The following CHRM3 variants were observed in gnomAD, a reference collection of about 807,000 sequenced individuals.
The protein encoded by CHRM3 is muscarinic acetylcholine receptor M3.
In CHRM3, 11 loss-of-function variants were observed where a neutral mutation model predicts 41.8. The observed-to-expected ratio is 0.26, with a 90% confidence interval of 0.17 to 0.44. The LOEUF is 0.44. Among genes scored for constraint, CHRM3 ranks in the 20% least tolerant of loss-of-function variants. The pLI, the probability that CHRM3 is intolerant of heterozygous loss-of-function variation, is 1.00. For missense variants in CHRM3, 571 were observed against 745.4 expected (o/e 0.77, Z 2.72); for synonymous variants, 297 against 301.4 (o/e 0.99, Z 0.15).
chr1:239,656,232 T>G (rs1421910044), intron 4 of CHRM3, among the ~76,000 whole-genome samples: 4 of 152,064 alleles, frequency 2.6e-5, no homozygotes, highest in African/African-American at 7.2e-5. Flanking sequence ...ACAGGATCAT[T>G]AGACACCTAA....
At chr1:239,871,391 G>T (rs755958830) in intron 6 of CHRM3, among the ~76,000 whole-genome samples, 1 of 151,962 alleles carries the variant, frequency 6.6e-6, no homozygotes, top group Admixed American at 6.5e-5. Context: ...ACAGGCATGC[G>T]CCAGCATGCC....
chr1:239,889,529 AT>A (rs911942854), intron 6 of CHRM3, among the ~76,000 whole-genome samples: 1 of 151,876 alleles, frequency 6.6e-6, no homozygotes, highest in Non-Finnish European at 1.5e-5. Flanking sequence ...TTGCAGCTCG[AT>A]TTTTCAGGCT....
chr1:239,896,687 T>C (rs1285009404), intron 6 of CHRM3, among the ~76,000 whole-genome samples: 1 of 152,164 alleles, frequency 6.6e-6, no homozygotes, highest in African/African-American at 2.4e-5. Flanking sequence ...ATCAACATCT[T>C]AGCAGCCTTA....
intron 3 of CHRM3, among the ~76,000 whole-genome samples, chr1:239,594,961 TTCC>T (rs907034325): frequency 6.6e-6 from 1 of 152,168 alleles, no homozygotes; most frequent in African/African-American, 2.4e-5. Flanking sequence ...TGGTGGCACA[TTCC>T]TGTAATCCCA....
At chr1:239,568,492 A>C (rs1426888966) in intron 3 of CHRM3, among the ~76,000 whole-genome samples, 1 of 151,942 alleles carries the variant, frequency 6.6e-6, no homozygotes, top group Admixed American at 6.6e-5. Flanking sequence ...GAGTCTATTA[A>C]ACTTCTTTTT....
intron 5 of CHRM3, among the ~76,000 whole-genome samples, chr1:239,714,891 G>A (rs1228624063): frequency 6.6e-6 from 1 of 152,058 alleles, no homozygotes; most frequent in African/African-American, 2.4e-5. Flanking sequence ...AGATGTGAGA[G>A]AGACATGGCA....
chr1:239,622,994 T>C (rs1198789770), intron 3 of CHRM3, among the ~76,000 whole-genome samples: 1 of 152,062 alleles, frequency 6.6e-6, no homozygotes, highest in Non-Finnish European at 1.5e-5. Flanking sequence ...CCTCCCCAGC[T>C]TTTGGCAACC....
At chr1:239,447,954 G>A (rs61834689) in intron 1 of CHRM3, among the ~76,000 whole-genome samples, 9,549 of 152,106 alleles carry the variant, frequency 0.063, 575 homozygotes, top group African/African-American at 0.16. Context: ...TCCCAGCCAC[G>A]TTGCTGAGAA....
At chr1:239,526,602 T>G (rs1192781640) in intron 2 of CHRM3, among the ~76,000 whole-genome samples, 1 of 152,182 alleles carries the variant, frequency 6.6e-6, no homozygotes, top group Non-Finnish European at 1.5e-5. Context: ...GCTGTGATTC[T>G]TTTGCTTCTA....
chr1:239,548,337 CAA>C (rs1461201087), intron 3 of CHRM3, among the ~76,000 whole-genome samples: 1 of 152,138 alleles, frequency 6.6e-6, no homozygotes, highest in Non-Finnish European at 1.5e-5. Context: ...ACCAGAAAGC[CAA>C]GTCTTATTCC....
At chr1:239,819,962 A>AGTGGCCGAACCT (rs1671900099) in intron 5 of CHRM3, among the ~76,000 whole-genome samples, 1 of 152,120 alleles carries the variant, frequency 6.6e-6, no homozygotes, top group African/African-American at 2.4e-5. Context: ...CCTGGAGACT[A>AGTGGCCGAACCT]GTGGCCGAAC....
intron 5 of CHRM3, among the ~76,000 whole-genome samples, chr1:239,784,487 A>G (rs1241447270): frequency 3.9e-5 from 6 of 152,182 alleles, no homozygotes; most frequent in South Asian, 2.1e-4. Context: ...AATTAACACT[A>G]TACCACTTTG....
At chr1:239,547,465 ATC>A (rs1276200888) in intron 3 of CHRM3, among the ~76,000 whole-genome samples, 1 of 152,210 alleles carries the variant, frequency 6.6e-6, no homozygotes, top group Non-Finnish European at 1.5e-5. Flanking sequence ...GTGTGGGATT[ATC>A]CTGATGAGCA....
chr1:239,642,821 C>T (rs2148929028), intron 4 of CHRM3, among the ~76,000 whole-genome samples: 1 of 152,318 alleles, frequency 6.6e-6, no homozygotes, highest in East Asian at 1.9e-4. Context: ...AGCTGCGTTC[C>T]TTTGGAGGAG....
intron 1 of CHRM3, among the ~76,000 whole-genome samples, chr1:239,404,414 G>GAA (rs1558195783): frequency 1.4e-3 from 72 of 51,134 alleles, no homozygotes; most frequent in Non-Finnish European, 1.8e-3. Flanking sequence ...GAAAGAAAAA[G>GAA]AAAGAAAGAA....
At chr1:239,638,607 G>A (rs1386823082) in intron 4 of CHRM3, among the ~76,000 whole-genome samples, 14 of 152,250 alleles carry the variant, frequency 9.2e-5, no homozygotes, top group Admixed American at 6.5e-4. Context: ...TTTTGATGGG[G>A]TTGTTTGGTT....
chr1:239,771,356 C>T (rs1278498443), intron 5 of CHRM3, among the ~76,000 whole-genome samples: 1 of 152,118 alleles, frequency 6.6e-6, no homozygotes, highest in Non-Finnish European at 1.5e-5. Context: ...TAATTGATCT[C>T]ATTCCCTGAG....
At chr1:239,505,163 G>T (rs1409883437) in intron 2 of CHRM3, among the ~76,000 whole-genome samples, 1 of 152,182 alleles carries the variant, frequency 6.6e-6, no homozygotes, top group Admixed American at 6.5e-5. Context: ...TAAAATTAGG[G>T]CTCATATAAG....
chr1:239,726,623 C>A (rs1347430405), intron 5 of CHRM3, among the ~76,000 whole-genome samples: 2 of 151,880 alleles, frequency 1.3e-5, no homozygotes, highest in Non-Finnish European at 2.9e-5. Context: ...CTATAAGATG[C>A]ATGGTGATAT....
Sources: gnomAD v4.1 joint callset for allele counts (sites outside exome capture counted in the v4.1 genomes callset) on GRCh38, gnomAD v4.1.1 for gene constraint, MANE v1.5 for transcripts, NCBI Gene and HGNC (gene_info 2026-07-23, HGNC 2026-07-21) for gene names.